The following TMEM132B variants were observed in gnomAD, a reference collection of about 807,000 sequenced individuals.
TMEM132B encodes transmembrane protein 132B.
In TMEM132B, 18 loss-of-function variants were observed where a neutral mutation model predicts 90.8. The ratio of observed to expected loss-of-function variants is 0.20; its 90% CI spans 0.14 to 0.29. The LOEUF is 0.29. TMEM132B is among the 10% of genes least tolerant of loss of function. The pLI, the probability that TMEM132B is intolerant of heterozygous loss-of-function variation, is 1.00. For missense variants in TMEM132B, 1,096 were observed against 1,326.8 expected (o/e 0.83, Z 2.70); for synonymous variants, 504 against 523.3 (o/e 0.96, Z 0.50).
intron 4 of TMEM132B, among the ~76,000 whole-genome samples, chr12:125,521,108 C>G (rs1883295696): frequency 6.6e-6 from 1 of 152,174 alleles, no homozygotes; most frequent in Non-Finnish European, 1.5e-5. Context: ...GTTGGGAAAT[C>G]TCTACTCAAT....
intron 1 of TMEM132B, among the ~76,000 whole-genome samples, chr12:125,239,982 G>T (rs548413734): frequency 6.6e-5 from 10 of 152,334 alleles, no homozygotes; most frequent in African/African-American, 2.4e-4. Context: ...GGAGCTAGCA[G>T]CTGTGGTGAC....
intron 2 of TMEM132B, among the ~76,000 whole-genome samples, chr12:125,391,040 A>AGTGTGTGT (rs57083034): frequency 3.5e-5 from 3 of 84,972 alleles, no homozygotes; most frequent in African/African-American, 1.5e-4. Flanking sequence ...ACTAAAGAAT[A>AGTGTGTGT]GTGTGTGTGT....
intron 5 of TMEM132B, among the ~76,000 whole-genome samples, chr12:125,602,449 TG>T (rs145216942): frequency 0.017 from 2,648 of 152,280 alleles, 32 homozygotes; most frequent in Non-Finnish European, 0.025. Context: ...AACTAGGTAT[TG>T]ATGAAACATA....
At chr12:125,416,343 G>C (rs1191147475) in intron 3 of TMEM132B, among the ~76,000 whole-genome samples, 1 of 152,234 alleles carries the variant, frequency 6.6e-6, no homozygotes, top group East Asian at 1.9e-4. Context: ...TTCACTGGGA[G>C]GGCTAACAAG....
chr12:125,502,624 A>G (rs1694136380), intron 3 of TMEM132B, among the ~76,000 whole-genome samples: 1 of 152,212 alleles, frequency 6.6e-6, no homozygotes. Context: ...AGTATTTGGG[A>G]AAGGTCACTG....
intron 3 of TMEM132B, among the ~76,000 whole-genome samples, chr12:125,502,194 A>T (rs758696864): frequency 1.4e-4 from 22 of 152,184 alleles, no homozygotes; most frequent in Non-Finnish European, 3.1e-4. Flanking sequence ...CCTCTTCAGA[A>T]AGTCCTCCTT....
At chr12:125,390,153 A>G (rs1222241470) in intron 2 of TMEM132B, among the ~76,000 whole-genome samples, 1 of 152,230 alleles carries the variant, frequency 6.6e-6, no homozygotes, top group Non-Finnish European at 1.5e-5. Context: ...TTCAACAGCA[A>G]TTCACAAATG....
intron 5 of TMEM132B, among the ~76,000 whole-genome samples, chr12:125,591,092 T>C (rs530223367): frequency 6.6e-6 from 1 of 152,304 alleles, no homozygotes; most frequent in Non-Finnish European, 1.5e-5. Flanking sequence ...TATGAGCTAG[T>C]AGCCAAATAT....
At chr12:125,487,354 C>T (rs748858051) in intron 3 of TMEM132B, among the ~76,000 whole-genome samples, 6 of 152,196 alleles carry the variant, frequency 3.9e-5, no homozygotes, top group South Asian at 2.1e-4. Context: ...TATTATAGCT[C>T]GTTGTACTAG....
At chr12:125,203,043 G>A (rs1257502905) in intron 1 of TMEM132B, among the ~76,000 whole-genome samples, 2 of 152,180 alleles carry the variant, frequency 1.3e-5, no homozygotes, top group Admixed American at 1.3e-4. Context: ...AAAGGCTTTG[G>A]CTTGACTGAA....
At chr12:125,300,618 C>A (rs1193555984) in intron 1 of TMEM132B, among the ~76,000 whole-genome samples, 5 of 152,188 alleles carry the variant, frequency 3.3e-5, no homozygotes, top group African/African-American at 1.2e-4. Context: ...TATACCAGGA[C>A]CTGTTCTGAG....
chr12:125,601,079 A>T (rs1885558318), intron 5 of TMEM132B, among the ~76,000 whole-genome samples: 2 of 152,226 alleles, frequency 1.3e-5, no homozygotes, highest in Admixed American at 6.5e-5. Context: ...GTTAAAAAGG[A>T]TATGCAGGAC....
chr12:125,594,636 T>G (rs747385963), intron 5 of TMEM132B, among the ~76,000 whole-genome samples: 1 of 152,230 alleles, frequency 6.6e-6, no homozygotes, highest in African/African-American at 2.4e-5. Context: ...CGATTACTGA[T>G]GTTGAGCATC....
chr12:125,396,572 G>T (rs188344357), intron 2 of TMEM132B, among the ~76,000 whole-genome samples: 2 of 152,296 alleles, frequency 1.3e-5, no homozygotes, highest in African/African-American at 4.8e-5. Flanking sequence ...GAGTGCAGTG[G>T]TGTGATCATG....
intron 1 of TMEM132B, among the ~76,000 whole-genome samples, chr12:125,285,923 G>A (rs1322519026): frequency 6.6e-6 from 1 of 152,308 alleles, no homozygotes; most frequent in Admixed American, 6.5e-5. Flanking sequence ...GAGTTTTAAG[G>A]TGCTTTCTGC....
intron 4 of TMEM132B, among the ~76,000 whole-genome samples, chr12:125,533,250 A>C (rs534907826): frequency 6.6e-6 from 1 of 152,368 alleles, no homozygotes; most frequent in East Asian, 1.9e-4. Flanking sequence ...TGCTTGTCAC[A>C]TAATACATGT....
chr12:125,258,402 C>T (rs1164878899), intron 1 of TMEM132B, among the ~76,000 whole-genome samples: 1 of 152,158 alleles, frequency 6.6e-6, no homozygotes, highest in African/African-American at 2.4e-5. Context: ...TAGCTAGGGG[C>T]AGGAAGCACC....
intron 1 of TMEM132B, among the ~76,000 whole-genome samples, chr12:125,332,583 CTTTTTT>C (rs201828438): frequency 1.4e-3 from 74 of 52,420 alleles, no homozygotes; most frequent in African/African-American, 4.2e-3. Context: ...AGAGAGTTGG[CTTTTTT>C]TTTTTTTTTT....
At chr12:125,357,909 C>A (rs1877832970) in intron 2 of TMEM132B, among the ~76,000 whole-genome samples, 1 of 152,228 alleles carries the variant, frequency 6.6e-6, no homozygotes, top group Admixed American at 6.5e-5. Context: ...GCACCCCAGG[C>A]ATTACCTGCT....
Sources: gnomAD v4.1 joint callset for allele counts (sites outside exome capture counted in the v4.1 genomes callset) on GRCh38, gnomAD v4.1.1 for gene constraint, MANE v1.5 for transcripts, NCBI Gene and HGNC (gene_info 2026-07-23, HGNC 2026-07-21) for gene names.